Variants in NCK1 observed in about 807,000 individuals in gnomAD.
NCK1 encodes NCK adaptor protein 1.
Under a neutral mutation model 36.6 loss-of-function variants are expected in NCK1, and 19 were observed. The ratio of observed to expected loss-of-function variants is 0.52; its 90% CI spans 0.36 to 0.76. The LOEUF (loss-of-function observed/expected upper bound fraction) is 0.76. Among genes scored for constraint, NCK1 ranks in the 30% least tolerant of loss-of-function variants. NCK1 has a pLI of 0.00. For missense variants in NCK1, 358 were observed against 445.6 expected, an observed-to-expected ratio of 0.80 and a Z score of 1.77; for synonymous variants, 165 against 156.0, an observed-to-expected ratio of 1.06 and a Z score of -0.43.
intron 1 of NCK1, among the ~76,000 whole-genome samples, chr3:136,923,905 A>C (rs921593174): frequency 2.0e-5 from 3 of 152,228 alleles, no homozygotes; most frequent in Non-Finnish European, 4.4e-5. Context: ...TGGTGTCATA[A>C]CCACACAGAA....
chr3:136,892,384 T>C (rs1399175435), intron 1 of NCK1, among the ~76,000 whole-genome samples: 1 of 152,228 alleles, frequency 6.6e-6, no homozygotes, highest in Non-Finnish European at 1.5e-5. Context: ...GTTTGACTCT[T>C]TTCGGTTGCC....
intron 2 of NCK1, among the ~76,000 whole-genome samples, chr3:136,932,891 A>G (rs992301872): frequency 6.6e-6 from 1 of 152,238 alleles, no homozygotes; most frequent in African/African-American, 2.4e-5. Context: ...CCCATTCTCA[A>G]CACTTACTCA....
intron 1 of NCK1, among the ~76,000 whole-genome samples, chr3:136,911,520 G>A (rs1340968752): frequency 6.6e-6 from 1 of 152,058 alleles, no homozygotes; most frequent in East Asian, 1.9e-4. Flanking sequence ...TGTATCTGTT[G>A]CCATTTTCAT....
intron 2 of NCK1, among the ~76,000 whole-genome samples, chr3:136,935,079 T>G (rs1940495119): frequency 6.6e-6 from 1 of 152,124 alleles, no homozygotes; most frequent in East Asian, 1.9e-4. Context: ...TTTTTGTATT[T>G]TTAGTACTGA....
chr3:136,935,051 G>A (rs1268846749), intron 2 of NCK1, among the ~76,000 whole-genome samples: 6 of 152,062 alleles, frequency 3.9e-5, no homozygotes, highest in African/African-American at 7.2e-5. Context: ...ACAGGTGTGC[G>A]CCACCATGAC....
intron 1 of NCK1, among the ~76,000 whole-genome samples, chr3:136,908,359 T>C (rs934507407): frequency 6.6e-6 from 1 of 152,194 alleles, no homozygotes; most frequent in African/African-American, 2.4e-5. Context: ...AAAGGAATGA[T>C]AGAGGGTTTT....
chr3:136,913,959 C>T (rs555823530), intron 1 of NCK1, among the ~76,000 whole-genome samples: 4 of 152,316 alleles, frequency 2.6e-5, no homozygotes, highest in South Asian at 4.1e-4. Context: ...CACGCCCAGC[C>T]GCACAGTGAT....
intron 1 of NCK1, among the ~76,000 whole-genome samples, chr3:136,925,246 A>T (rs1940207940): frequency 6.6e-6 from 1 of 152,156 alleles, no homozygotes; most frequent in African/African-American, 2.4e-5. Flanking sequence ...ATTTCAGTTT[A>T]GTTTTCATTT....
intron 1 of NCK1, among the ~76,000 whole-genome samples, chr3:136,922,199 A>C (rs914563402): frequency 6.6e-6 from 1 of 152,206 alleles, no homozygotes; most frequent in African/African-American, 2.4e-5. Context: ...GTGGTGGTAC[A>C]AATTAGGCCC....
intron 1 of NCK1, among the ~76,000 whole-genome samples, chr3:136,910,921 C>CA (rs1939815238): frequency 6.6e-6 from 1 of 152,160 alleles, no homozygotes; most frequent in African/African-American, 2.4e-5. Context: ...AACACCTTCC[C>CA]ATCCTGGCTT....
chr3:136,896,594 G>A (rs962269984), intron 1 of NCK1, among the ~76,000 whole-genome samples: 1 of 152,142 alleles, frequency 6.6e-6, no homozygotes, highest in Non-Finnish European at 1.5e-5. Context: ...CTGGAGTGCA[G>A]TGGTGCAATC....
At chr3:136,864,421 T>C (rs1362097032) in intron 1 of NCK1, among the ~76,000 whole-genome samples, 1 of 149,962 alleles carries the variant, frequency 6.7e-6, no homozygotes, top group Non-Finnish European at 1.5e-5. Context: ...AACCCGGGAG[T>C]CGGAGGTTGC....
intron 1 of NCK1, among the ~76,000 whole-genome samples, chr3:136,910,769 T>C (rs1939812178): frequency 6.6e-6 from 1 of 152,230 alleles, no homozygotes; most frequent in Admixed American, 6.5e-5. Context: ...CTTGTTTACA[T>C]ATCATTTTCA....
Position 136,945,740 on chromosome 3 carries a change from A to G in NCK1, c.384A>G (p.Ile128Met), listed in dbSNP as rs147481903. Reference sequence around the variant, plus strand: ...AGAGAGAGGATGAATTATCATTGATAAAGGGGACAAAGGTGATCGTCATGG... The same window carrying G: ...AGAGAGAGGATGAATTATCATTGATGAAGGGGACAAAGGTGATCGTCATGG... ...MAEREDELSL[I>M]KGTKVIVMEK... Residue 128 changes from isoleucine (I) to methionine (M), a missense_variant, in exon 3 of 4, where the codon ATA (isoleucine) becomes ATG (methionine). Ile to Met is a conservative substitution (Grantham distance 10). Transcript: ENST00000481752. The G allele has an allele frequency of 2.3e-5, 37 of 1,614,186 alleles. No individual in the cohort carries two copies. The African/African-American group carries it at 4.3e-4, about 19-fold the overall frequency.
chr3:136,921,152 A>G (rs1453341713), intron 1 of NCK1, among the ~76,000 whole-genome samples: 1 of 152,184 alleles, frequency 6.6e-6, no homozygotes, highest in Non-Finnish European at 1.5e-5. Flanking sequence ...ACAACCATCT[A>G]TTTCCAGAAT....
intron 1 of NCK1, among the ~76,000 whole-genome samples, chr3:136,913,223 T>C (rs1309963292): frequency 6.6e-6 from 1 of 152,208 alleles, no homozygotes; most frequent in Non-Finnish European, 1.5e-5. Flanking sequence ...GCTAATGTGA[T>C]AACTCTGGAA....
chr3:136,951,284 T>C lies in NCK1; in HGVS notation c.*2831T>C, dbSNP rs377154149. ...TCTCTAGGCAGGCCCAGCCCTTCTC[T>C]AGAAGTTTGAATTTCACTCCCACCT... On this transcript the variant is annotated 3_prime_UTR_variant, in exon 4 of 4. Transcript: ENST00000481752. 2.0e-5 allele frequency among the ~76,000 whole-genome samples: 3 copies of C among 152,350 alleles called. No homozygotes were observed. Among genetic ancestry groups the C allele is most frequent in the South Asian group, 4.1e-4 (2 of 4,828 alleles).
At chr3:136,947,051 G>A (rs186644222) in intron 3 of NCK1, 2 of 152,206 alleles carry the variant, frequency 1.3e-5, no homozygotes, top group East Asian at 1.9e-4. Context: ...TTGGCTTTGC[G>A]TGAGTATATT....
At chr3:136,890,347 G>A (rs572995748) in intron 1 of NCK1, among the ~76,000 whole-genome samples, 9 of 152,090 alleles carry the variant, frequency 5.9e-5, no homozygotes, top group South Asian at 2.1e-4. Context: ...GCCCGCCAGC[G>A]TTGCACGCAG....
Sources: allele counts gnomAD v4.1 joint callset (sites outside exome capture counted in the v4.1 genomes callset), GRCh38; gene constraint gnomAD v4.1.1; transcripts MANE v1.5; gene names NCBI Gene and HGNC (gene_info 2026-07-23, HGNC 2026-07-21).